Variants in MAP4 observed in about 807,000 individuals in gnomAD.
The protein encoded by MAP4 is microtubule-associated protein 4.
MAP4 carries 76 observed loss-of-function variants against 170.2 expected under a neutral mutation model. The ratio of observed to expected loss-of-function variants is 0.45; its 90% CI spans 0.37 to 0.54. The LOEUF (loss-of-function observed/expected upper bound fraction) is 0.54. Among genes scored for constraint, MAP4 ranks in the 20% least tolerant of loss-of-function variants. The probability of loss-of-function intolerance (pLI) is 0.00; values close to 1 mark genes in which losing one functional copy is unlikely to be tolerated. For missense variants in MAP4, 2,506 were observed against 2,748.0 expected (o/e 0.91, Z 1.97); for synonymous variants, 909 against 994.5 (o/e 0.91, Z 1.62).
chr3:47,938,170 G>T (rs1238271924), intron 3 of MAP4, among the ~76,000 whole-genome samples: 1 of 151,250 alleles, frequency 6.6e-6, no homozygotes, highest in Non-Finnish European at 1.5e-5. Flanking sequence ...TCAGGAGTTA[G>T]AGACCAGCCT....
chr3:47,866,379 A>AAAC (rs2080155734), intron 17 of MAP4, among the ~76,000 whole-genome samples: 1 of 150,674 alleles, frequency 6.6e-6, no homozygotes, highest in Non-Finnish European at 1.5e-5. Flanking sequence ...AACAAACAAA[A>AAAC]AAACAGGAAA....
chr3:48,017,251 C>T (rs2100108247), upstream of MAP4, among the ~76,000 whole-genome samples: 1 of 152,200 alleles, frequency 6.6e-6, no homozygotes, highest in Admixed American at 6.5e-5. Context: ...ACAAAATAAG[C>T]AAAACCTTAC....
At chr3:47,985,634 G>A (rs991640352) in intron 2 of MAP4, among the ~76,000 whole-genome samples, 5 of 152,118 alleles carry the variant, frequency 3.3e-5, no homozygotes, top group African/African-American at 1.2e-4. Context: ...ATCTAATTAT[G>A]AGGAAATGCC....
intron 3 of MAP4, among the ~76,000 whole-genome samples, chr3:47,930,186 CTGT>C (rs2100048708): frequency 6.6e-6 from 1 of 151,994 alleles, no homozygotes; most frequent in East Asian, 1.9e-4. Context: ...TGGCTCACGC[CTGT>C]AATCCCAGCA....
chr3:48,037,758 G>A (rs2100119472), intron 1 of MAP4, among the ~76,000 whole-genome samples: 1 of 152,136 alleles, frequency 6.6e-6, no homozygotes, highest in East Asian at 1.9e-4. Flanking sequence ...CATGACTTCA[G>A]GAGCACTCTA....
intron 10 of MAP4, among the ~76,000 whole-genome samples, chr3:47,890,343 CTTCT>C (rs1235964010): frequency 3.3e-5 from 5 of 152,120 alleles, no homozygotes; most frequent in Non-Finnish European, 5.9e-5. Flanking sequence ...CTTTCTCTTT[CTTCT>C]TTTTCTCCCC....
chr3:48,057,633 A>ATAAG (rs71625850), intron 1 of MAP4, among the ~76,000 whole-genome samples: 1 of 137,486 alleles, frequency 7.3e-6, no homozygotes, highest in Non-Finnish European at 1.5e-5. Flanking sequence ...AAATAAATAA[A>ATAAG]AAAGAAAAAA....
intron 8 of MAP4, among the ~76,000 whole-genome samples, chr3:47,914,408 G>C (rs1270554942): frequency 1.3e-5 from 2 of 151,952 alleles, no homozygotes; most frequent in Non-Finnish European, 2.9e-5. Context: ...AAATTAGCCG[G>C]GCATGGTGGC....
intron 1 of MAP4, among the ~76,000 whole-genome samples, chr3:48,072,184 C>T (rs1050779960): frequency 1.3e-5 from 2 of 149,990 alleles, no homozygotes; most frequent in Admixed American, 6.6e-5. Flanking sequence ...GGGATGGAAA[C>T]TCCATCTCAA....
intron 9 of MAP4, among the ~76,000 whole-genome samples, chr3:47,905,685 G>A (rs924689724): frequency 1.6e-5 from 2 of 128,524 alleles, no homozygotes; most frequent in Non-Finnish European, 3.2e-5. Flanking sequence ...AATACATGAA[G>A]AAGTCACTAA....
At chr3:47,901,289 A>G (rs976822009) in intron 10 of MAP4, among the ~76,000 whole-genome samples, 2 of 152,248 alleles carry the variant, frequency 1.3e-5, no homozygotes, top group Non-Finnish European at 2.9e-5. Flanking sequence ...TGAAGAGTAT[A>G]GAATGTGTTT....
chr3:47,942,936 C>A (rs913041474), intron 3 of MAP4, among the ~76,000 whole-genome samples: 8 of 152,076 alleles, frequency 5.3e-5, no homozygotes, highest in Middle Eastern at 3.4e-3. Context: ...GTAGCAAGAC[C>A]CCAACCTCTA....
intron 2 of MAP4, among the ~76,000 whole-genome samples, chr3:47,998,012 G>GA (rs2154370362): frequency 6.6e-6 from 1 of 152,174 alleles, no homozygotes; most frequent in East Asian, 1.9e-4. Context: ...CTGAAAAGAA[G>GA]AAAAAATATC....
chr3:47,914,701 C>T, intron 8 of MAP4, 116 bp downstream of exon 8: 2 of 1,230,200 alleles, frequency 1.6e-6, no homozygotes, highest in Non-Finnish European at 1.2e-6. Flanking sequence ...GAATTGACTT[C>T]ATAAACTATA....
At chr3:47,935,863 C>T (rs1023354820) in intron 3 of MAP4, among the ~76,000 whole-genome samples, 16 of 145,580 alleles carry the variant, frequency 1.1e-4, no homozygotes, top group African/African-American at 3.3e-4. Context: ...TGCTTGAACC[C>T]GGGAGGCAGA....
chr3:47,998,810 A>C lies in MAP4; in HGVS notation c.51T>G (p.Ile17Met). ...TGAAGTCCCGCTTTATCTCTCCCTC[A>C]ATGTCTGGAGATGGTTCTGTTAATG... is the stretch of plus-strand genomic sequence containing the variant. ...ADALTEPSPD[I>M]EGEIKRDFIA... The change falls in exon 2 of 21, where the codon ATT (isoleucine) becomes ATG (methionine). Residue 17 changes from isoleucine (I) to methionine (M), a missense_variant. This residue lies in a region of MAP4 where 2,008 missense variants were observed against 2,206.0 expected (regional missense o/e 0.91). Transcript: ENST00000683076. 6.2e-7 allele frequency: 1 copy of C among 1,614,144 alleles called. No homozygotes were observed. Among genetic ancestry groups the C allele is most frequent in the Non-Finnish European group, 8.5e-7 (1 of 1,180,000 alleles).
chr3:47,952,384 G>T (rs575670247), intron 3 of MAP4, among the ~76,000 whole-genome samples: 1,947 of 152,352 alleles, frequency 0.013, 23 homozygotes, highest in Middle Eastern at 0.044. Flanking sequence ...AGTCTGGGAG[G>T]TGTACCCAAC....
At chr3:48,050,153 G>A (rs1226890304) in intron 1 of MAP4, among the ~76,000 whole-genome samples, 4 of 151,560 alleles carry the variant, frequency 2.6e-5, no homozygotes, top group South Asian at 2.1e-4. Flanking sequence ...CCAGCTACTC[G>A]GGAGGTTGAG....
At chr3:47,933,320 C>T (rs2100050927) in intron 3 of MAP4, among the ~76,000 whole-genome samples, 1 of 152,104 alleles carries the variant, frequency 6.6e-6, no homozygotes, top group Non-Finnish European at 1.5e-5. Context: ...CTGATGGTTG[C>T]ACAACTCCAT....
Sources: gnomAD v4.1 joint callset for allele counts (sites outside exome capture counted in the v4.1 genomes callset) on GRCh38, gnomAD v4.1.1 for gene constraint, gnomAD v4.1.1 regional missense constraint, MANE v1.5 for transcripts, NCBI Gene and HGNC (gene_info 2026-07-23, HGNC 2026-07-21) for gene names.